FAM135B: variants seen among roughly 807,000 people sequenced by gnomAD.
FAM135B encodes the protein family with sequence similarity 135 member B.
Under a neutral mutation model 127.7 loss-of-function variants are expected in FAM135B, and 43 were observed. That is an observed-to-expected ratio of 0.34 (90% confidence interval 0.26 to 0.43). The LOEUF is 0.43. FAM135B is among the 20% of genes least tolerant of loss of function. The probability of loss-of-function intolerance (pLI) is 1.00; values close to 1 mark genes in which losing one functional copy is unlikely to be tolerated. For missense variants in FAM135B, 1,558 were observed against 1,725.6 expected (o/e 0.90, Z 1.72); for synonymous variants, 670 against 665.1 (o/e 1.01, Z -0.11).
At chr8:138,226,383 T>G (rs1376064426) in intron 7 of FAM135B, among the ~76,000 whole-genome samples, 2 of 152,014 alleles carry the variant, frequency 1.3e-5, no homozygotes, top group Admixed American at 6.5e-5. Context: ...TTACAATGTA[T>G]GCTAAAGGAA....
At chr8:138,260,537 T>A (rs1399396892) in intron 4 of FAM135B, among the ~76,000 whole-genome samples, 1 of 152,148 alleles carries the variant, frequency 6.6e-6, no homozygotes, top group Non-Finnish European at 1.5e-5. Flanking sequence ...TTCTCCCAAC[T>A]ACCCTGGAGT....
At chr8:138,207,672 C>T (rs1817807344) in intron 7 of FAM135B, among the ~76,000 whole-genome samples, 1 of 152,160 alleles carries the variant, frequency 6.6e-6, no homozygotes, top group Non-Finnish European at 1.5e-5. Context: ...GGTGAGAAGG[C>T]TAATTTTCCA....
intron 1 of FAM135B, among the ~76,000 whole-genome samples, chr8:138,421,140 T>C (rs571905728): frequency 6.6e-5 from 10 of 152,140 alleles, no homozygotes; most frequent in African/African-American, 2.2e-4. Flanking sequence ...TGAAACCCTG[T>C]CTCTAGTAAA....
chr8:138,167,679 G>T (rs1820061008), intron 12 of FAM135B, among the ~76,000 whole-genome samples: 1 of 152,188 alleles, frequency 6.6e-6, no homozygotes, highest in Non-Finnish European at 1.5e-5. Context: ...GAAGGAGTCA[G>T]GGAGGAAGTC....
intron 2 of FAM135B, among the ~76,000 whole-genome samples, chr8:138,315,940 C>T (rs1052256186): frequency 6.6e-6 from 1 of 152,042 alleles, no homozygotes; most frequent in African/African-American, 2.4e-5. Context: ...GTTTAGAGAT[C>T]TAATGTACAG....
chr8:138,349,851 T>C (rs899344356), intron 2 of FAM135B, among the ~76,000 whole-genome samples: 1 of 152,144 alleles, frequency 6.6e-6, no homozygotes, highest in African/African-American at 2.4e-5. Flanking sequence ...CAGGTTTCAA[T>C]CCCGGACATA....
intron 15 of FAM135B, among the ~76,000 whole-genome samples, chr8:138,145,047 C>T (rs190069066): frequency 7.2e-5 from 11 of 152,218 alleles, no homozygotes; most frequent in Admixed American, 5.2e-4. Flanking sequence ...CAGGGTCTTG[C>T]TCTTTCACCC....
chr8:138,451,479 T>C (rs1836478664), intron 1 of FAM135B, among the ~76,000 whole-genome samples: 1 of 152,202 alleles, frequency 6.6e-6, no homozygotes, highest in Non-Finnish European at 1.5e-5. Flanking sequence ...TAGCTATACA[T>C]GCTGAGTACA....
At chr8:138,476,247 G>A (rs1220421451) in intron 1 of FAM135B, among the ~76,000 whole-genome samples, 3 of 152,146 alleles carry the variant, frequency 2.0e-5, no homozygotes, top group Non-Finnish European at 4.4e-5. Flanking sequence ...AAGATTTTTA[G>A]AGCAGTGAAA....
chr8:138,187,382 C>A (rs1815676475), intron 9 of FAM135B, among the ~76,000 whole-genome samples: 1 of 152,154 alleles, frequency 6.6e-6, no homozygotes, highest in Non-Finnish European at 1.5e-5. Flanking sequence ...GAGTTCCACA[C>A]CTTTAAAAGT....
intron 12 of FAM135B, among the ~76,000 whole-genome samples, chr8:138,153,634 A>G (rs1818402606): frequency 6.6e-6 from 1 of 152,158 alleles, no homozygotes; most frequent in Non-Finnish European, 1.5e-5. Flanking sequence ...ACACCAGGAG[A>G]TTATATCCCG....
In FAM135B at chr8:138,358,173, G is replaced by T. The variant is rs146698242; in HGVS notation, c.77+9734C>A. On this transcript the variant is annotated intron_variant, in intron 2 of 19. Transcript: ENST00000395297. ...AAGCCCAAGAAAAATCTGCCCCCAT[G>T]ATTCAATTACCTCCCACCAGGTTCT... Among the ~76,000 whole-genome samples the T allele has an allele frequency of 3.8e-3, 585 of 152,218 alleles. 3 individuals carry two copies. The highest frequency in any genetic ancestry group is 6.1e-3 in the Non-Finnish European group (418 of 68,012).
chr8:138,425,996 T>TATATATATATATATAC, intron 1 of FAM135B, among the ~76,000 whole-genome samples: 1 of 16,308 alleles, frequency 6.1e-5, no homozygotes, highest in African/African-American at 6.2e-4. Flanking sequence ...TATATATATA[T>TATATATATATATATAC]ATATATATAT....
At chr8:138,350,769 G>C (rs1829727333) in intron 2 of FAM135B, among the ~76,000 whole-genome samples, 1 of 152,174 alleles carries the variant, frequency 6.6e-6, no homozygotes, top group South Asian at 2.1e-4. Context: ...CATACATTAA[G>C]GAAGCTAAGC....
intron 4 of FAM135B, among the ~76,000 whole-genome samples, chr8:138,263,832 T>C (rs1822717858): frequency 6.6e-6 from 1 of 152,156 alleles, no homozygotes; most frequent in African/African-American, 2.4e-5. Flanking sequence ...CCATGTTGGG[T>C]ATCCACAGTG....
chr8:138,307,829 C>T (rs1826379866), intron 3 of FAM135B, among the ~76,000 whole-genome samples: 2 of 151,728 alleles, frequency 1.3e-5, no homozygotes, highest in Non-Finnish European at 2.9e-5. Flanking sequence ...GTATCAAAGA[C>T]ATCATTAAAG....
intron 2 of FAM135B, among the ~76,000 whole-genome samples, chr8:138,318,110 CACA>C (rs1487398597): frequency 6.6e-6 from 1 of 152,174 alleles, no homozygotes; most frequent in East Asian, 1.9e-4. Flanking sequence ...CAGCCATGGC[CACA>C]ACGTTAGCAA....
At chr8:138,206,363 A>C (rs1390458132) in intron 7 of FAM135B, among the ~76,000 whole-genome samples, 1 of 149,586 alleles carries the variant, frequency 6.7e-6, no homozygotes, top group Non-Finnish European at 1.5e-5. Context: ...CATCCCCTCC[A>C]CCTACCCACA....
chr8:138,439,162 T>G (rs867293602), intron 1 of FAM135B: 7 of 152,196 alleles, frequency 4.6e-5, no homozygotes, highest in African/African-American at 7.2e-5. Flanking sequence ...AGGCAAAGTT[T>G]CTGGTGTGTA....
Sources: allele counts gnomAD v4.1 joint callset (sites outside exome capture counted in the v4.1 genomes callset), GRCh38; gene constraint gnomAD v4.1.1; transcripts MANE v1.5; gene names NCBI Gene and HGNC (gene_info 2026-07-23, HGNC 2026-07-21).